GATAD2A: variants seen among roughly 807,000 people sequenced by gnomAD.
GATAD2A encodes GATA zinc finger domain containing 2A.
A neutral mutation model predicts 68.5 loss-of-function variants in GATAD2A; 12 were observed. That is an observed-to-expected ratio of 0.18 (90% CI 0.11 to 0.28). GATAD2A has a LOEUF of 0.28. GATAD2A is among the 10% of genes least tolerant of loss of function. The pLI is 1.00. For missense variants in GATAD2A, 755 were observed against 868.5 expected, an observed-to-expected ratio of 0.87 and a Z score of 1.64; for synonymous variants, 410 against 375.3, an observed-to-expected ratio of 1.09 and a Z score of -1.07.
Position 19,508,582 on chromosome 19 carries a change from TTGC to T in GATAD2A, c.*3113_*3115del, listed in dbSNP as rs1380546007. ...ATTCTCATCACAGAAGGGATGATCC[TTGC>T]TGCTCTGCCGTAGGGTTTTTGATGC... On this transcript the variant is annotated 3_prime_UTR_variant, in exon 12 of 12. Coordinates refer to ENST00000683918, the MANE Select transcript of GATAD2A (RefSeq NM_001384528.1). The T allele has an allele frequency of 1.3e-5, 2 of 152,260 alleles. No homozygotes were observed. Among genetic ancestry groups the T allele is most frequent in the Non-Finnish European group, 2.9e-5 (2 of 68,044 alleles). 9.4% of individuals were successfully genotyped at this position (152,260 alleles called of 1,614,324 possible).
intron 2 of GATAD2A, among the ~76,000 whole-genome samples, chr19:19,468,028 G>GA (rs2058009329): frequency 6.6e-6 from 1 of 152,232 alleles, no homozygotes; most frequent in South Asian, 2.1e-4. Flanking sequence ...TGAATGAGGA[G>GA]ATTGGCAGAA....
At chr19:19,499,473 G>A (rs1238196083) in intron 8 of GATAD2A, among the ~76,000 whole-genome samples, 2 of 152,190 alleles carry the variant, frequency 1.3e-5, no homozygotes, top group Non-Finnish European at 2.9e-5. Context: ...GGCAGCCTCA[G>A]AGCCTTCCCA....
At chr19:19,493,503 C>T (rs905431566) in intron 4 of GATAD2A, among the ~76,000 whole-genome samples, 3 of 152,162 alleles carry the variant, frequency 2.0e-5, no homozygotes, top group African/African-American at 7.2e-5. Context: ...GCCCGAAGCT[C>T]GCTGTTGCGC....
At chr19:19,449,242 A>G (rs949855536) in intron 1 of GATAD2A, among the ~76,000 whole-genome samples, 7 of 152,102 alleles carry the variant, frequency 4.6e-5, no homozygotes, top group African/African-American at 1.7e-4. Context: ...TCAGTGATCT[A>G]TTTTCTAGAG....
intron 1 of GATAD2A, among the ~76,000 whole-genome samples, chr19:19,453,403 C>T (rs190145509): frequency 3.3e-5 from 5 of 152,320 alleles, no homozygotes; most frequent in Admixed American, 2.0e-4. Flanking sequence ...GTCTTGTCTG[C>T]ACATAGCACT....
At chr19:19,415,576 A>G (rs1316116243) in intron 1 of GATAD2A, among the ~76,000 whole-genome samples, 2 of 151,394 alleles carry the variant, frequency 1.3e-5, no homozygotes, top group South Asian at 2.1e-4. Context: ...CAGCCTCCCA[A>G]GTAGCTGCGA....
intron 1 of GATAD2A, among the ~76,000 whole-genome samples, chr19:19,414,066 G>A (rs1308363191): frequency 6.6e-6 from 1 of 152,142 alleles, no homozygotes; most frequent in Non-Finnish European, 1.5e-5. Flanking sequence ...AGTCTGGGGA[G>A]GGGGTGGGAG....
intron 1 of GATAD2A, among the ~76,000 whole-genome samples, chr19:19,430,976 G>GTGTGTGTGTGT (rs1555699848): frequency 1.5e-5 from 2 of 136,694 alleles, no homozygotes; most frequent in African/African-American, 5.6e-5. Context: ...GTATGGTAGG[G>GTGTGTGTGTGT]GTGTGTGTGT....
At chr19:19,423,692 T>C (rs1228333137) in intron 1 of GATAD2A, among the ~76,000 whole-genome samples, 4 of 152,236 alleles carry the variant, frequency 2.6e-5, no homozygotes, top group Non-Finnish European at 1.5e-5. Context: ...GGAAGCTTGG[T>C]GGATTTCTAG....
intron 2 of GATAD2A, among the ~76,000 whole-genome samples, chr19:19,484,508 TTTTC>T (rs1476700870): frequency 1.3e-5 from 2 of 149,478 alleles, no homozygotes; most frequent in African/African-American, 5.0e-5. Flanking sequence ...GTCACAGGAT[TTTTC>T]TTTTTCTTTT....
At chr19:19,423,913 A>C (rs1046724098) in intron 1 of GATAD2A, among the ~76,000 whole-genome samples, 1 of 152,122 alleles carries the variant, frequency 6.6e-6, no homozygotes, top group African/African-American at 2.4e-5. Flanking sequence ...GGTATCCTAG[A>C]AACTACCTTT....
chr19:19,426,390 G>A (rs577265758), intron 1 of GATAD2A, among the ~76,000 whole-genome samples: 63 of 152,288 alleles, frequency 4.1e-4, no homozygotes, highest in Admixed American at 7.8e-4. Flanking sequence ...TAGAGTCCCC[G>A]GGAGGTACTG....
At chr19:19,497,234 T>C (rs997923328) in intron 7 of GATAD2A, among the ~76,000 whole-genome samples, 15 of 152,252 alleles carry the variant, frequency 9.9e-5, no homozygotes, top group Non-Finnish European at 2.2e-4. Context: ...TAGCTGGGAC[T>C]ACAGGCGCCT....
chr19:19,453,717 C>T (rs2147857397), intron 1 of GATAD2A, among the ~76,000 whole-genome samples: 1 of 151,414 alleles, frequency 6.6e-6, no homozygotes, highest in East Asian at 1.9e-4. Flanking sequence ...TGCTCCGTCG[C>T]CCAGGCTGGA....
At chr19:19,464,400 G>T (rs924868717) in intron 1 of GATAD2A, among the ~76,000 whole-genome samples, 1 of 152,198 alleles carries the variant, frequency 6.6e-6, no homozygotes. Context: ...CGTCGAGGCC[G>T]GGATTAGAGC....
At chr19:19,419,368 T>G (rs1403177109) in intron 1 of GATAD2A, among the ~76,000 whole-genome samples, 2 of 152,166 alleles carry the variant, frequency 1.3e-5, no homozygotes, top group East Asian at 3.9e-4. Context: ...CAGGTGGCTG[T>G]TCCTGCCCAT....
chr19:19,406,596 C>T (rs1013783007), intron 1 of GATAD2A, among the ~76,000 whole-genome samples: 1 of 152,212 alleles, frequency 6.6e-6, no homozygotes, highest in African/African-American at 2.4e-5. Context: ...CCTCTCTGAT[C>T]TCCGGCCTTT....
At chr19:19,421,199 G>A (rs1289943795) in intron 1 of GATAD2A, among the ~76,000 whole-genome samples, 1 of 152,140 alleles carries the variant, frequency 6.6e-6, no homozygotes, top group African/African-American at 2.4e-5. Flanking sequence ...CTGGCATAGG[G>A]GTTAGGTAGG....
chr19:19,413,846 A>T (rs913407324), intron 1 of GATAD2A, among the ~76,000 whole-genome samples: 4 of 152,106 alleles, frequency 2.6e-5, no homozygotes, highest in African/African-American at 7.2e-5. Context: ...TGGCCTCCCA[A>T]AGTACTGGGA....
Sources: gnomAD v4.1 joint callset for allele counts (sites outside exome capture counted in the v4.1 genomes callset) on GRCh38, gnomAD v4.1.1 for gene constraint, MANE v1.5 for transcripts, NCBI Gene and HGNC (gene_info 2026-07-23, HGNC 2026-07-21) for gene names.